The following IL1RAPL1 variants were observed in gnomAD, a reference collection of about 807,000 sequenced individuals.
IL1RAPL1 encodes interleukin-1 receptor accessory protein-like 1.
IL1RAPL1 carries 3 observed loss-of-function variants against 48.4 expected under a neutral mutation model. The observed-to-expected ratio is 0.06, with a 90% CI of 0.03 to 0.16. IL1RAPL1 has a LOEUF of 0.16. IL1RAPL1 is among the 10% of genes least tolerant of loss of function. IL1RAPL1 has a pLI of 1.00. For synonymous variants in IL1RAPL1, 185 were observed against 187.7 expected (o/e 0.99, Z 0.12); for missense variants, 349 against 530.6 (o/e 0.66, Z 3.36).
intron 2 of IL1RAPL1, among the ~76,000 whole-genome samples, chrX:29,134,719 T>C (rs1365948677): frequency 9.0e-6 from 1 of 111,565 alleles, no homozygotes; most frequent in Non-Finnish European, 1.9e-5. Context: ...TCTGATTCCA[T>C]TTTTCCCAAA....
chrX:29,205,418 G>C (rs908657931), intron 2 of IL1RAPL1, among the ~76,000 whole-genome samples: 1 of 111,722 alleles, frequency 9.0e-6, no homozygotes, highest in Non-Finnish European at 1.9e-5. Context: ...TGCCATCCCA[G>C]TGTAAGCCTG....
chrX:29,337,254 T>A (rs186937168), intron 3 of IL1RAPL1, among the ~76,000 whole-genome samples: 46 of 112,336 alleles, frequency 4.1e-4, no homozygotes, highest in African/African-American at 1.4e-3. Context: ...AATGTTTCTA[T>A]CAAAATATAG....
At chrX:28,938,389 A>C (rs972718673) in intron 2 of IL1RAPL1, among the ~76,000 whole-genome samples, 3 of 111,119 alleles carry the variant, frequency 2.7e-5, no homozygotes, top group African/African-American at 6.5e-5. Context: ...TGATCTTCAA[A>C]CAAAGCTGAC....
chrX:29,416,860 T>C (rs1438519050), intron 5 of IL1RAPL1, among the ~76,000 whole-genome samples: 4 of 111,525 alleles, frequency 3.6e-5, no homozygotes, highest in African/African-American at 1.3e-4. Context: ...TGAGGCATGT[T>C]CAGGCATAGA....
intron 2 of IL1RAPL1, among the ~76,000 whole-genome samples, chrX:29,258,330 C>G (rs7879436): frequency 0.028 from 3,171 of 111,455 alleles, 95 homozygotes; most frequent in African/African-American, 0.098. Context: ...AAGAGGACAA[C>G]TTGAACTAAT....
intron 1 of IL1RAPL1, among the ~76,000 whole-genome samples, chrX:28,662,333 T>A (rs1045725715): frequency 7.2e-5 from 8 of 111,550 alleles, no homozygotes; most frequent in African/African-American, 2.6e-4. Flanking sequence ...AGAAAGAGCC[T>A]TCAGGTAGCA....
chrX:29,390,578 G>A (rs1933841458), intron 3 of IL1RAPL1, among the ~76,000 whole-genome samples: 1 of 111,610 alleles, frequency 9.0e-6, no homozygotes, highest in Non-Finnish European at 1.9e-5. Context: ...TGTGTTTAGT[G>A]ATCCTATTAG....
At chrX:28,973,763 C>T (rs1925139907) in intron 2 of IL1RAPL1, among the ~76,000 whole-genome samples, 1 of 112,175 alleles carries the variant, frequency 8.9e-6, no homozygotes, top group Non-Finnish European at 1.9e-5. Context: ...GATGTAGTAA[C>T]TGTGAGTGCC....
At chrX:28,779,985 C>G (rs1183223515) in intron 1 of IL1RAPL1, among the ~76,000 whole-genome samples, 1 of 109,559 alleles carries the variant, frequency 9.1e-6, no homozygotes, top group Non-Finnish European at 1.9e-5. Context: ...ATATTGAACT[C>G]AATTGAACAC....
At chrX:29,453,137 G>A (rs747403327) in intron 5 of IL1RAPL1, among the ~76,000 whole-genome samples, 3 of 108,563 alleles carry the variant, frequency 2.8e-5, no homozygotes, top group African/African-American at 1.0e-4. Flanking sequence ...GTTGGCCAGA[G>A]CTGGTCTCGA....
intron 1 of IL1RAPL1, among the ~76,000 whole-genome samples, chrX:28,726,210 CAT>C (rs1935674808): frequency 8.9e-6 from 1 of 111,876 alleles, no homozygotes; most frequent in African/African-American, 3.3e-5. Context: ...TTATTTTTCT[CAT>C]GTGTAAAATG....
chrX:28,947,906 C>T (rs1216927876), intron 2 of IL1RAPL1, among the ~76,000 whole-genome samples: 1 of 111,213 alleles, frequency 9.0e-6, no homozygotes. Flanking sequence ...ATGTGATAGG[C>T]TTTAGAAATG....
chrX:29,057,261 G>C (rs2147429831), intron 2 of IL1RAPL1, among the ~76,000 whole-genome samples: 1 of 111,096 alleles, frequency 9.0e-6, no homozygotes, highest in African/African-American at 3.3e-5. Context: ...ACCTAATGCA[G>C]TTTACTCAAG....
chrX:28,934,137 G>C lies in IL1RAPL1; in HGVS notation c.82+144712G>C, dbSNP rs1048194878. Among the ~76,000 whole-genome samples the C allele has an allele frequency of 6.3e-5, 7 of 110,758 alleles. No homozygotes were observed. The South Asian group carries it at 2.7e-3, about 42-fold the overall frequency. ...GACCTCATGGAGATGCAGCCCAGTA[G>C]GTCTCAGCCTCATTTTACCCAGCTC... On this transcript the variant is annotated intron_variant, in intron 2 of 10. Transcript: ENST00000378993.
intron 5 of IL1RAPL1, among the ~76,000 whole-genome samples, chrX:29,591,011 A>G (rs1923353456): frequency 8.9e-6 from 1 of 112,581 alleles, no homozygotes; most frequent in South Asian, 3.6e-4. Context: ...GTTCTCTGGC[A>G]TTACACATCC....
At chrX:29,098,877 G>A (rs1381264092) in intron 2 of IL1RAPL1, among the ~76,000 whole-genome samples, 1 of 112,501 alleles carries the variant, frequency 8.9e-6, no homozygotes, top group Non-Finnish European at 1.9e-5. Context: ...ATGGCCGGGT[G>A]CAGAGGCTCA....
intron 5 of IL1RAPL1, among the ~76,000 whole-genome samples, chrX:29,560,676 T>C (rs1205605708): frequency 8.9e-6 from 1 of 112,501 alleles, no homozygotes; most frequent in African/African-American, 3.2e-5. Context: ...ATTGTATTCA[T>C]TATATTCTTC....
intron 2 of IL1RAPL1, among the ~76,000 whole-genome samples, chrX:29,004,485 T>C (rs1032068794): frequency 8.9e-6 from 1 of 111,923 alleles, no homozygotes; most frequent in Non-Finnish European, 1.9e-5. Flanking sequence ...AGTGAACACA[T>C]AAGGAAACTG....
intron 5 of IL1RAPL1, among the ~76,000 whole-genome samples, chrX:29,432,274 G>A (rs1018384275): frequency 3.6e-5 from 4 of 111,391 alleles, no homozygotes; most frequent in African/African-American, 6.5e-5. Flanking sequence ...CCTTTAAGGT[G>A]TAAATCTTCT....
Sources: gnomAD v4.1 joint callset for allele counts (sites outside exome capture counted in the v4.1 genomes callset) on GRCh38, gnomAD v4.1.1 for gene constraint, MANE v1.5 for transcripts, NCBI Gene and HGNC (gene_info 2026-07-23, HGNC 2026-07-21) for gene names.